KCNH1: variants seen among roughly 807,000 people sequenced by gnomAD.
KCNH1 encodes voltage-gated delayed rectifier potassium channel KCNH1.
A neutral mutation model predicts 69.2 loss-of-function variants in KCNH1; 27 were observed. The observed-to-expected ratio is 0.39, with a 90% CI of 0.29 to 0.54. The LOEUF is 0.54. KCNH1 is among the 20% of genes least tolerant of loss of function. The probability of loss-of-function intolerance (pLI) is 0.68; values close to 1 mark genes in which losing one functional copy is unlikely to be tolerated. For synonymous variants in KCNH1, 456 were observed against 487.7 expected (o/e 0.93, Z 0.86); for missense variants, 798 against 1,261.6 (o/e 0.63, Z 5.57).
chr1:211,081,705 A>C (rs1409848007), intron 5 of KCNH1, among the ~76,000 whole-genome samples: 1 of 152,222 alleles, frequency 6.6e-6, no homozygotes, highest in Non-Finnish European at 1.5e-5. Context: ...CATTCTGAGC[A>C]AACTATCACA....
intron 6 of KCNH1, among the ~76,000 whole-genome samples, chr1:210,998,686 C>T (rs935069582): frequency 6.6e-6 from 1 of 152,204 alleles, no homozygotes; most frequent in African/African-American, 2.4e-5. Context: ...CAGAACTCTC[C>T]ACCCCAAATC....
intron 5 of KCNH1, among the ~76,000 whole-genome samples, chr1:211,055,808 T>C (rs1252887419): frequency 1.3e-5 from 2 of 152,168 alleles, no homozygotes; most frequent in Admixed American, 6.5e-5. Flanking sequence ...AGACACACCA[T>C]GGGCCAGAAG....
chr1:210,715,042 C>G (rs1370579495), intron 10 of KCNH1, among the ~76,000 whole-genome samples: 1 of 152,172 alleles, frequency 6.6e-6, no homozygotes, highest in Non-Finnish European at 1.5e-5. Context: ...GCAGCCAGGC[C>G]TGCAGAGAAA....
In KCNH1 at chr1:210,853,946, C is replaced by CAAAAAAAAAAAAAAAAA. The variant is rs11445997; in HGVS notation, c.1463-49797_1463-49781dup. Among the ~76,000 whole-genome samples the CAAAAAAAAAAAAAAAAA allele has an allele frequency of 2.9e-3, 179 of 61,502 alleles. 16 individuals are homozygous for CAAAAAAAAAAAAAAAAA. Among genetic ancestry groups the CAAAAAAAAAAAAAAAAA allele is most frequent in the African/African-American group, 5.2e-3 (70 of 13,458 alleles). The allele number at this position is 61,502 out of a possible 152,430, so 40.3% of individuals were successfully genotyped here. On this transcript the variant is annotated intron_variant, in intron 7 of 10. Coordinates refer to ENST00000271751, the MANE Select transcript of KCNH1 (RefSeq NM_172362.3). ...TAGCAGTAAAAGCATTTATCTAAGC[C>CAAAAAAAAAAAAAAAAA]AAAAAAAAAAAAAAAAAAAAAAGAA...
At position 210,743,390 on chromosome 1, in the gene KCNH1, G is replaced by T. The variant is rs1343540207; in HGVS notation, c.2112+31958C>A. 4.6e-5 allele frequency among the ~76,000 whole-genome samples: 7 copies of T among 152,256 alleles called. No individual in the cohort carries two copies. In the East Asian group the frequency reaches 1.4e-3, roughly 29 times the overall value. ...GCCTTTGGAATCAGATCTCTAGTAG[G>T]CTCTTCCATTCAGGTAGAAAGAGGT... On this transcript the variant is annotated intron_variant, in intron 10 of 10. Transcript: ENST00000271751.
intron 10 of KCNH1, among the ~76,000 whole-genome samples, chr1:210,707,050 G>C (rs1165894203): frequency 6.6e-6 from 1 of 152,086 alleles, no homozygotes; most frequent in Non-Finnish European, 1.5e-5. Context: ...GTATGTGAGG[G>C]GTATGTGTGT....
At chr1:210,782,963 C>T (rs564916970) in intron 9 of KCNH1, among the ~76,000 whole-genome samples, 12 of 152,174 alleles carry the variant, frequency 7.9e-5, no homozygotes, top group African/African-American at 2.9e-4. Flanking sequence ...ATTATGGCAG[C>T]TGGAATAGAC....
intron 10 of KCNH1, among the ~76,000 whole-genome samples, chr1:210,746,266 T>C (rs1326127193): frequency 1.3e-5 from 2 of 152,188 alleles, no homozygotes; most frequent in African/African-American, 4.8e-5. Context: ...AGTTTTATTG[T>C]GTAAAAACTA....
chr1:211,127,326 G>A (rs1443608782), intron 1 of KCNH1, among the ~76,000 whole-genome samples: 1 of 149,750 alleles, frequency 6.7e-6, no homozygotes, highest in Non-Finnish European at 1.5e-5. Context: ...TCACTTCCTA[G>A]TTCCTTCTCC....
chr1:210,933,495 C>T (rs1230711547), intron 6 of KCNH1, among the ~76,000 whole-genome samples: 1 of 149,158 alleles, frequency 6.7e-6, no homozygotes, highest in Non-Finnish European at 1.5e-5. Context: ...AACATGTACC[C>T]TAAAACTTAA....
intron 5 of KCNH1, among the ~76,000 whole-genome samples, chr1:211,034,776 T>A (rs1453104075): frequency 6.6e-6 from 1 of 152,136 alleles, no homozygotes; most frequent in Non-Finnish European, 1.5e-5. Flanking sequence ...TATTGCGTGT[T>A]TTCAAGATAC....
At chr1:210,879,954 AG>A (rs1686461036) in intron 7 of KCNH1, among the ~76,000 whole-genome samples, 1 of 152,176 alleles carries the variant, frequency 6.6e-6, no homozygotes, top group African/African-American at 2.4e-5. Context: ...AGCAATGAAC[AG>A]GTGGAATTTG....
At chr1:211,121,837 G>C (rs901229552) in intron 1 of KCNH1, among the ~76,000 whole-genome samples, 5 of 152,012 alleles carry the variant, frequency 3.3e-5, no homozygotes, top group Admixed American at 3.3e-4. Flanking sequence ...ATTTACAAGA[G>C]AAAAACAAAC....
chr1:210,999,305 G>C (rs1188227999), intron 6 of KCNH1, among the ~76,000 whole-genome samples: 1 of 152,058 alleles, frequency 6.6e-6, no homozygotes, highest in East Asian at 1.9e-4. Flanking sequence ...GAATCAAATA[G>C]ACACAATAAA....
chr1:210,706,000 G>GT (rs1681904687), intron 10 of KCNH1, among the ~76,000 whole-genome samples: 1 of 152,204 alleles, frequency 6.6e-6, no homozygotes, highest in South Asian at 2.1e-4. Flanking sequence ...TAACGTAGGT[G>GT]TTATCACTGG....
intron 1 of KCNH1, among the ~76,000 whole-genome samples, chr1:211,110,123 T>C (rs535464634): frequency 8.6e-5 from 13 of 152,014 alleles, no homozygotes; most frequent in Non-Finnish European, 1.8e-4. Context: ...CAGAGGACAT[T>C]CTCTTTAAAA....
chr1:211,108,503 A>T (rs1231543056), intron 1 of KCNH1: 1 of 152,200 alleles, frequency 6.6e-6, no homozygotes, highest in African/African-American at 2.4e-5. Flanking sequence ...ATGGGTAACC[A>T]TCCCTTCAGA....
chr1:210,924,395 A>G (rs1372261478), intron 6 of KCNH1, among the ~76,000 whole-genome samples: 1 of 152,182 alleles, frequency 6.6e-6, no homozygotes, highest in African/African-American at 2.4e-5. Context: ...CTGAAACAAT[A>G]AAAAACAAGC....
chr1:211,095,004 G>A (rs1691119637), intron 3 of KCNH1, among the ~76,000 whole-genome samples: 1 of 152,176 alleles, frequency 6.6e-6, no homozygotes, highest in Non-Finnish European at 1.5e-5. Flanking sequence ...ACCCTCCGAG[G>A]ATATTCAGGT....
Sources: allele counts gnomAD v4.1 joint callset (sites outside exome capture counted in the v4.1 genomes callset), GRCh38; gene constraint gnomAD v4.1.1; transcripts MANE v1.5; gene names NCBI Gene and HGNC (gene_info 2026-07-23, HGNC 2026-07-21).